The following SPAG16 variants were observed in gnomAD, a reference collection of about 807,000 sequenced individuals.
SPAG16 encodes sperm-associated antigen 16 protein.
SPAG16 carries 86 observed loss-of-function variants against 80.4 expected under a neutral mutation model. That is an observed-to-expected ratio of 1.07 (90% CI 0.90 to 1.28). The LOEUF (loss-of-function observed/expected upper bound fraction) is 1.28. Ranked by LOEUF, SPAG16 falls within the 50% of genes most tolerant of loss-of-function variation. The pLI is 0.00. For synonymous variants in SPAG16, 294 were observed against 265.9 expected, an observed-to-expected ratio of 1.11 and a Z score of -1.03; for missense variants, 870 against 765.3, an observed-to-expected ratio of 1.14 and a Z score of -1.61.
At position 213,775,539 on chromosome 2, in the gene SPAG16, A is replaced by G. The variant is rs541042950; in HGVS notation, c.1071-86946A>G. On this transcript the variant is annotated intron_variant, in intron 10 of 15. Transcript: ENST00000331683. ...TCCAAGTACACAGTACAGTATTGCT[A>G]TCTATAGGCACTGTGCTGTATAGTA... 2.6e-5 allele frequency among the ~76,000 whole-genome samples: 4 copies of G among 152,272 alleles called. No individual in the cohort carries two copies. In the East Asian group the frequency reaches 5.8e-4, roughly 22 times the overall value.
intron 9 of SPAG16, among the ~76,000 whole-genome samples, chr2:213,484,130 A>G (rs2073873707): frequency 6.6e-6 from 1 of 152,164 alleles, no homozygotes; most frequent in Non-Finnish European, 1.5e-5. Context: ...AAAAAGTTTC[A>G]GGGATAAATT....
chr2:213,928,807 G>A (rs1158798220), intron 11 of SPAG16, among the ~76,000 whole-genome samples: 3 of 151,586 alleles, frequency 2.0e-5, no homozygotes, highest in South Asian at 2.1e-4. Flanking sequence ...ATTACAATTC[G>A]GTGAGAGAAA....
intron 9 of SPAG16, among the ~76,000 whole-genome samples, chr2:213,385,039 A>G (rs1174283843): frequency 6.6e-6 from 1 of 151,702 alleles, no homozygotes; most frequent in Non-Finnish European, 1.5e-5. Flanking sequence ...CTAATAACAT[A>G]CTCTCTACTA....
chr2:213,796,904 T>A (rs2071072351), intron 10 of SPAG16, among the ~76,000 whole-genome samples: 1 of 142,666 alleles, frequency 7.0e-6, no homozygotes, highest in African/African-American at 2.5e-5. Context: ...TTATGGGTGA[T>A]GACAGCTGCA....
rs182779399 is a variant in SPAG16, at chr2:213,393,519, T to C, written c.942+18400T>C. ...TGGCTCTAGGTCATTTCACAATATT[T>C]ACTTTTTTGTATTATTGTTACAATG... On this transcript the variant is annotated intron_variant, in intron 9 of 15. Transcript: ENST00000331683. Among the ~76,000 whole-genome samples, 6 of 152,232 alleles carry C rather than the reference T, an allele frequency of 3.9e-5. No homozygotes were observed. In the East Asian group the frequency reaches 1.2e-3, roughly 29 times the overall value.
rs34910737 is a variant in SPAG16, at chr2:213,522,798, AAT to A, written c.1070+32724_1070+32725del. ...TAAAATGCCCAAAACTTACATGCCA[AAT>A]ATATATATATATATAACAAACTTAT... On this transcript the variant is annotated intron_variant, in intron 10 of 15. Transcript: ENST00000331683. 6.3e-3 allele frequency among the ~76,000 whole-genome samples: 924 copies of A among 146,736 alleles called. 5 individuals are homozygous for A. Among genetic ancestry groups the A allele is most frequent in the Middle Eastern group, 0.015 (4 of 272 alleles).
intron 15 of SPAG16, among the ~76,000 whole-genome samples, chr2:214,204,763 C>G (rs1559127267): frequency 1.3e-5 from 2 of 152,084 alleles, no homozygotes; most frequent in Admixed American, 6.6e-5. Context: ...TATGACAAAA[C>G]AAGGTTCTTT....
chr2:214,372,495 A>G (rs745703531), intron 15 of SPAG16, among the ~76,000 whole-genome samples: 13 of 152,196 alleles, frequency 8.5e-5, no homozygotes, highest in Non-Finnish European at 1.8e-4. Context: ...CCTGTTTAAC[A>G]TTATTTGAAA....
intron 10 of SPAG16, among the ~76,000 whole-genome samples, chr2:213,529,923 C>G (rs1385158938): frequency 2.0e-5 from 3 of 152,072 alleles, no homozygotes; most frequent in Non-Finnish European, 2.9e-5. Context: ...AAGTAAGACT[C>G]AAATACACAC....
chr2:214,106,295 G>A (rs1420626127), intron 13 of SPAG16, among the ~76,000 whole-genome samples: 1 of 151,792 alleles, frequency 6.6e-6, no homozygotes, highest in Non-Finnish European at 1.5e-5. Flanking sequence ...TTGCCTTTTT[G>A]GCTTTGTAAG....
In SPAG16 at chr2:214,056,318, TAGAG is replaced by T. The variant is rs1332334966; in HGVS notation, c.1527+42254_1527+42257del. 4.4e-5 allele frequency among the ~76,000 whole-genome samples: 6 copies of T among 137,066 alleles called. No homozygotes were observed. The East Asian group carries it at 6.2e-4, about 14-fold the overall frequency. 89.9% of individuals were successfully genotyped at this position (137,066 alleles called of 152,430 possible). A position where few individuals can be genotyped will look rare whatever the true frequency, so the allele number is the denominator to read the frequency against. ...ACACACACACACACACACACACGCA[TAGAG>T]AGAGAGAGAGAGGGAGAGAAGTCAT... On this transcript the variant is annotated intron_variant, in intron 13 of 15. Coordinates refer to ENST00000331683, the MANE Select transcript of SPAG16 (RefSeq NM_024532.5).
chr2:213,327,877 A>G (rs2063912552), intron 5 of SPAG16, among the ~76,000 whole-genome samples: 2 of 152,228 alleles, frequency 1.3e-5, no homozygotes, highest in African/African-American at 2.4e-5. Context: ...AATGATGATG[A>G]TGATTATGAG....
intron 12 of SPAG16, among the ~76,000 whole-genome samples, chr2:213,975,711 A>G (rs2045336084): frequency 6.6e-6 from 1 of 152,054 alleles, no homozygotes; most frequent in African/African-American, 2.4e-5. Context: ...TTCTACCAAA[A>G]TAGGTGAGAA....
At chr2:213,953,898 G>A (rs1442639574) in intron 12 of SPAG16, among the ~76,000 whole-genome samples, 1 of 151,986 alleles carries the variant, frequency 6.6e-6, no homozygotes, top group South Asian at 2.1e-4. Flanking sequence ...TGAAAATGGT[G>A]AATTGTGGAA....
intron 15 of SPAG16, among the ~76,000 whole-genome samples, chr2:214,209,170 A>T (rs754934966): frequency 2.0e-5 from 3 of 152,118 alleles, no homozygotes; most frequent in Non-Finnish European, 2.9e-5. Flanking sequence ...ATGCCTCTCC[A>T]TGCCTAAATA....
intron 13 of SPAG16, among the ~76,000 whole-genome samples, chr2:214,027,624 C>T (rs2048203960): frequency 6.6e-6 from 1 of 151,854 alleles, no homozygotes; most frequent in Non-Finnish European, 1.5e-5. Context: ...TCTGTGTCCA[C>T]TTTCCCCCAT....
At chr2:213,365,065 T>C (rs2066206874) in intron 8 of SPAG16, 1 of 152,194 alleles carries the variant, frequency 6.6e-6, no homozygotes, top group South Asian at 2.1e-4. Context: ...AGCATAAAAT[T>C]AAGCCTAGGA....
intron 15 of SPAG16, among the ~76,000 whole-genome samples, chr2:214,386,001 T>A (rs1700728146): frequency 1.3e-5 from 2 of 152,190 alleles, no homozygotes; most frequent in Non-Finnish European, 2.9e-5. Flanking sequence ...TTCGGGATCT[T>A]GATTTTCTAT....
Position 214,237,216 on chromosome 2 carries a change from A to G in SPAG16, c.1720+87950A>G, listed in dbSNP as rs1198187987. ...AGGGTCTGTTCCTATAATAGGTAAC[A>G]CTTCTAAAGATAAAGAAAGCACTTA... is the stretch of plus-strand genomic sequence containing the variant. On this transcript the variant is annotated intron_variant, in intron 15 of 15. Coordinates refer to ENST00000331683, the MANE Select transcript of SPAG16 (RefSeq NM_024532.5). Among the ~76,000 whole-genome samples the G allele has an allele frequency of 2.6e-5, 4 of 152,304 alleles. No individual in the cohort carries two copies. In the East Asian group the frequency reaches 7.7e-4, roughly 29 times the overall value.
Sources: gnomAD v4.1 joint callset for allele counts (sites outside exome capture counted in the v4.1 genomes callset) on GRCh38, gnomAD v4.1.1 for gene constraint, MANE v1.5 for transcripts, NCBI Gene and HGNC (gene_info 2026-07-23, HGNC 2026-07-21) for gene names.